MARCHF11: variants seen among roughly 807,000 people sequenced by gnomAD.
MARCHF11 encodes the protein membrane associated ring-CH-type finger 11.
Under a neutral mutation model 37.3 loss-of-function variants are expected in MARCHF11, and 29 were observed. The observed-to-expected ratio is 0.78, with a 90% confidence interval of 0.58 to 1.06. The LOEUF (loss-of-function observed/expected upper bound fraction) is 1.06. MARCHF11 is among the 50% of genes least tolerant of loss of function. The pLI is 0.00. For missense variants in MARCHF11, 482 were observed against 533.4 expected, an observed-to-expected ratio of 0.90 and a Z score of 0.95; for synonymous variants, 233 against 228.0, an observed-to-expected ratio of 1.02 and a Z score of -0.20.
At chr5:16,103,459 C>T (rs1452252379) in intron 2 of MARCHF11, among the ~76,000 whole-genome samples, 1 of 152,174 alleles carries the variant, frequency 6.6e-6, no homozygotes, top group Non-Finnish European at 1.5e-5. Context: ...TTTTATCCTA[C>T]AAGGCAATGA....
At chr5:16,088,802 G>A (rs1195723309) in intron 3 of MARCHF11, among the ~76,000 whole-genome samples, 1 of 151,928 alleles carries the variant, frequency 6.6e-6, no homozygotes, top group African/African-American at 2.4e-5. Flanking sequence ...GATTTGATGA[G>A]CCAAAACACA....
chr5:16,096,003 C>A (rs904962120), intron 2 of MARCHF11, among the ~76,000 whole-genome samples: 1 of 152,184 alleles, frequency 6.6e-6, no homozygotes, highest in African/African-American at 2.4e-5. Flanking sequence ...GGATAAAGAT[C>A]CACTCTGGCC....
intron 3 of MARCHF11, among the ~76,000 whole-genome samples, chr5:16,076,835 C>G (rs990199920): frequency 2.0e-5 from 3 of 152,200 alleles, no homozygotes; most frequent in Admixed American, 6.5e-5. Flanking sequence ...ACATCGGGAG[C>G]CATCCTCGGC....
Position 16,067,335 on chromosome 5 carries a change from T to G in MARCHF11, c.*136A>C, listed in dbSNP as rs1736364578. ...TTTCTCAGAAAAATGTATTTGCAAT[T>G]CAAATGTTCATATAAAAAGCATAAA... On this transcript the variant is annotated 3_prime_UTR_variant, in exon 4 of 4. Transcript: ENST00000332432. 7 of 758,166 alleles carry G rather than the reference T, an allele frequency of 9.2e-6. No individual in the cohort carries two copies. The highest frequency in any genetic ancestry group is 2.8e-5 in the Admixed American group (1 of 35,662). The allele number at this position is 758,166 out of a possible 1,614,324, so 47.0% of individuals were successfully genotyped here.
intron 2 of MARCHF11, among the ~76,000 whole-genome samples, chr5:16,128,994 G>A (rs1186290395): frequency 1.3e-5 from 2 of 151,984 alleles, no homozygotes; most frequent in Non-Finnish European, 2.9e-5. Flanking sequence ...TGCACATATG[G>A]CCACATCCTT....
chr5:16,074,306 G>A (rs1346823587), intron 3 of MARCHF11, among the ~76,000 whole-genome samples: 1 of 152,144 alleles, frequency 6.6e-6, no homozygotes, highest in Non-Finnish European at 1.5e-5. Flanking sequence ...AAGTCTGAAA[G>A]AGAATAAATA....
At chr5:16,080,056 G>A (rs1032242364) in intron 3 of MARCHF11, among the ~76,000 whole-genome samples, 2 of 152,142 alleles carry the variant, frequency 1.3e-5, no homozygotes, top group East Asian at 1.9e-4. Flanking sequence ...AACCTTTCTC[G>A]ATTCCACACC....
chr5:16,155,431 T>C (rs903720433), intron 2 of MARCHF11, among the ~76,000 whole-genome samples: 4 of 151,796 alleles, frequency 2.6e-5, no homozygotes, highest in Non-Finnish European at 5.9e-5. Context: ...CTGGATTATT[T>C]AAATTTTAAA....
At chr5:16,138,204 A>C (rs974268736) in intron 2 of MARCHF11, among the ~76,000 whole-genome samples, 3 of 152,150 alleles carry the variant, frequency 2.0e-5, no homozygotes, top group Non-Finnish European at 4.4e-5. Context: ...TAGGATGGAA[A>C]AATGGTTACA....
At chr5:16,139,469 A>G (rs1010433538) in intron 2 of MARCHF11, among the ~76,000 whole-genome samples, 2 of 152,188 alleles carry the variant, frequency 1.3e-5, no homozygotes, top group South Asian at 4.1e-4. Context: ...CACTATTAAA[A>G]TGGACTAATA....
intron 2 of MARCHF11, among the ~76,000 whole-genome samples, chr5:16,115,949 A>G (rs1737220602): frequency 1.3e-5 from 2 of 152,040 alleles, no homozygotes; most frequent in Admixed American, 6.6e-5. Flanking sequence ...TTTTAAATTC[A>G]TATCTTTCTC....
At chr5:16,151,538 C>CTT (rs1171168168) in intron 2 of MARCHF11, among the ~76,000 whole-genome samples, 4,277 of 113,140 alleles carry the variant, frequency 0.038, 401 homozygotes, top group African/African-American at 0.12. Flanking sequence ...TCAGGCTGAT[C>CTT]TTTTTTTTTT....
chr5:16,149,908 A>ATTCCCT (rs1579413197), intron 2 of MARCHF11, among the ~76,000 whole-genome samples: 3 of 138,352 alleles, frequency 2.2e-5, no homozygotes, highest in East Asian at 2.0e-4. Context: ...TCCCAAACAT[A>ATTCCCT]ATGTTAATCC....
At chr5:16,118,254 T>C (rs1397723136) in intron 2 of MARCHF11, among the ~76,000 whole-genome samples, 2 of 152,206 alleles carry the variant, frequency 1.3e-5, no homozygotes, top group African/African-American at 2.4e-5. Flanking sequence ...CCAAAGGGAT[T>C]TGAAGTTTTC....
intron 2 of MARCHF11, among the ~76,000 whole-genome samples, chr5:16,152,508 G>A (rs1737904812): frequency 6.6e-6 from 1 of 151,914 alleles, no homozygotes; most frequent in Admixed American, 6.6e-5. Context: ...AAGACAAGAA[G>A]GATAGGTGTA....
At chr5:16,163,611 A>C (rs781208581) in intron 2 of MARCHF11, among the ~76,000 whole-genome samples, 1 of 152,116 alleles carries the variant, frequency 6.6e-6, no homozygotes, top group African/African-American at 2.4e-5. Context: ...TGAAAGTAAA[A>C]GGATGAAAAG....
intron 2 of MARCHF11, among the ~76,000 whole-genome samples, chr5:16,141,880 C>T (rs888558838): frequency 2.0e-5 from 3 of 152,196 alleles, no homozygotes; most frequent in East Asian, 1.9e-4. Context: ...CATTGCCTCA[C>T]GGCATGAGGA....
chr5:16,072,182 C>A (rs1475268928), intron 3 of MARCHF11, among the ~76,000 whole-genome samples: 1 of 152,142 alleles, frequency 6.6e-6, no homozygotes, highest in African/African-American at 2.4e-5. Flanking sequence ...ATCATGAAGA[C>A]AGAAGAATCA....
At chr5:16,122,362 C>T (rs951964751) in intron 2 of MARCHF11, among the ~76,000 whole-genome samples, 27 of 152,290 alleles carry the variant, frequency 1.8e-4, no homozygotes, top group Admixed American at 1.0e-3. Flanking sequence ...TGCCATGCCA[C>T]CTACTGTCCA....
Sources: allele counts gnomAD v4.1 joint callset (sites outside exome capture counted in the v4.1 genomes callset), GRCh38; gene constraint gnomAD v4.1.1; transcripts MANE v1.5; gene names NCBI Gene and HGNC (gene_info 2026-07-23, HGNC 2026-07-21).